Variants in LRRTM4 observed in about 807,000 individuals in gnomAD.
The protein encoded by LRRTM4 is leucine-rich repeat transmembrane neuronal protein 4.
LRRTM4 carries 25 observed loss-of-function variants against 47.6 expected under a neutral mutation model. That is an observed-to-expected ratio of 0.53 (90% CI 0.38 to 0.73). LRRTM4 has a LOEUF of 0.73. Among genes scored for constraint, LRRTM4 ranks in the 30% least tolerant of loss-of-function variants. The probability of loss-of-function intolerance (pLI) is 0.00; values close to 1 mark genes in which losing one functional copy is unlikely to be tolerated. For missense variants in LRRTM4, 638 were observed against 713.4 expected (o/e 0.89, Z 1.20); for synonymous variants, 311 against 269.5 (o/e 1.15, Z -1.51).
In LRRTM4 at chr2:77,111,289, T is replaced by TC. The variant is rs112093231; in HGVS notation, c.1552-362374_1552-362373insG. Among the ~76,000 whole-genome samples, 15 of 149,226 alleles carry TC rather than the reference T, an allele frequency of 1.0e-4. No homozygotes were observed. The South Asian group carries it at 1.3e-3, about 13-fold the overall frequency. On this transcript the variant is annotated intron_variant, in intron 3 of 3. Transcript: ENST00000409884. ...TGTGTCACCACACCTGGCTATTTTT[T>TC]TTTTTTTTTTTTTGTATTTTATTAG...
chr2:77,258,581 A>G (rs1266340437), intron 3 of LRRTM4, among the ~76,000 whole-genome samples: 2 of 152,052 alleles, frequency 1.3e-5, no homozygotes, highest in African/African-American at 2.4e-5. Context: ...TAATTATTTC[A>G]AAATTAAAAA....
At chr2:77,057,991 C>T (rs1982340) in intron 3 of LRRTM4, among the ~76,000 whole-genome samples, 16,038 of 152,058 alleles carry the variant, frequency 0.11, 1,068 homozygotes, top group Non-Finnish European at 0.15. Context: ...TGGATTCTGC[C>T]GGTTTCTGTT....
At chr2:76,945,260 C>T (rs904958508) in intron 3 of LRRTM4, among the ~76,000 whole-genome samples, 1 of 151,992 alleles carries the variant, frequency 6.6e-6, no homozygotes, top group Admixed American at 6.6e-5. Flanking sequence ...AAGCAACTAG[C>T]GTGCCTAAAT....
At chr2:77,268,476 C>T (rs967256991) in intron 3 of LRRTM4, among the ~76,000 whole-genome samples, 3 of 152,094 alleles carry the variant, frequency 2.0e-5, no homozygotes, top group Admixed American at 6.6e-5. Context: ...TACCATCCTG[C>T]CTTGGTCTCA....
intron 3 of LRRTM4, among the ~76,000 whole-genome samples, chr2:77,134,066 C>T (rs1235960654): frequency 6.6e-6 from 1 of 152,032 alleles, no homozygotes; most frequent in Non-Finnish European, 1.5e-5. Context: ...ATATAAATAA[C>T]ACAAAACACA....
At chr2:77,481,301 C>T (rs139593976) in intron 3 of LRRTM4, among the ~76,000 whole-genome samples, 1 of 152,210 alleles carries the variant, frequency 6.6e-6, no homozygotes, top group Non-Finnish European at 1.5e-5. Flanking sequence ...GTATCCTGCC[C>T]AGGATCATAG....
intron 3 of LRRTM4, among the ~76,000 whole-genome samples, chr2:76,972,713 C>T (rs1676263949): frequency 2.0e-5 from 3 of 152,000 alleles, no homozygotes; most frequent in Admixed American, 2.0e-4. Context: ...ATCCACAACG[C>T]CCAGCCTGAA....
At chr2:76,914,572 T>C (rs953200716) in intron 3 of LRRTM4, among the ~76,000 whole-genome samples, 1 of 152,298 alleles carries the variant, frequency 6.6e-6, no homozygotes, top group Admixed American at 6.5e-5. Flanking sequence ...TCATATTGTG[T>C]CAACTTAAAA....
At chr2:76,972,362 T>C (rs1213860532) in intron 3 of LRRTM4, among the ~76,000 whole-genome samples, 1 of 151,372 alleles carries the variant, frequency 6.6e-6, no homozygotes, top group Non-Finnish European at 1.5e-5. Flanking sequence ...CACCTGTCAC[T>C]CTCTGCCTTG....
chr2:76,923,469 A>G (rs1470157810), intron 3 of LRRTM4, among the ~76,000 whole-genome samples: 12 of 152,088 alleles, frequency 7.9e-5, no homozygotes, highest in African/African-American at 2.9e-4. Flanking sequence ...ACAGGGTGTT[A>G]ATACGCTCAT....
At chr2:77,032,325 A>C (rs951586729) in intron 3 of LRRTM4, among the ~76,000 whole-genome samples, 18 of 152,138 alleles carry the variant, frequency 1.2e-4, no homozygotes, top group African/African-American at 4.3e-4. Flanking sequence ...ATCTCAAACA[A>C]AATAACAACT....
chr2:76,956,366 A>G (rs1262862428), intron 3 of LRRTM4, among the ~76,000 whole-genome samples: 1 of 151,754 alleles, frequency 6.6e-6, no homozygotes, highest in Non-Finnish European at 1.5e-5. Context: ...GGGAAAGGTA[A>G]GGGGAACAAT....
chr2:76,918,521 T>C (rs372028067), intron 3 of LRRTM4, among the ~76,000 whole-genome samples: 3 of 152,324 alleles, frequency 2.0e-5, no homozygotes, highest in East Asian at 3.9e-4. Flanking sequence ...ACATAGGCCG[T>C]ATTAATGAGG....
chr2:76,841,737 G>A (rs1671690278), intron 3 of LRRTM4, among the ~76,000 whole-genome samples: 1 of 147,736 alleles, frequency 6.8e-6, no homozygotes, highest in Admixed American at 6.7e-5. Flanking sequence ...AACTCCATTA[G>A]AAAAATGTAA....
chr2:77,274,531 T>C (rs1676290052), intron 3 of LRRTM4, among the ~76,000 whole-genome samples: 1 of 152,170 alleles, frequency 6.6e-6, no homozygotes, highest in Non-Finnish European at 1.5e-5. Context: ...TTCTAGTGTA[T>C]TTAAAGACTA....
At chr2:76,774,453 G>C (rs969764166) in intron 3 of LRRTM4, among the ~76,000 whole-genome samples, 2 of 152,072 alleles carry the variant, frequency 1.3e-5, no homozygotes, top group African/African-American at 4.8e-5. Context: ...GCCTCACAAA[G>C]TGCTGGGATT....
At chr2:77,465,739 G>A (rs771918828) in intron 3 of LRRTM4, among the ~76,000 whole-genome samples, 1 of 152,130 alleles carries the variant, frequency 6.6e-6, no homozygotes, top group Non-Finnish European at 1.5e-5. Context: ...TTACCTATCA[G>A]TGGTCCCAGA....
At chr2:77,494,115 CTG>C (rs1396781600) in intron 3 of LRRTM4, among the ~76,000 whole-genome samples, 1 of 151,990 alleles carries the variant, frequency 6.6e-6, no homozygotes, top group Non-Finnish European at 1.5e-5. Flanking sequence ...ACATCACAAA[CTG>C]GGAGAAATAG....
At chr2:76,814,733 C>A (rs1670848660) in intron 3 of LRRTM4, among the ~76,000 whole-genome samples, 1 of 151,410 alleles carries the variant, frequency 6.6e-6, no homozygotes, top group African/African-American at 2.4e-5. Flanking sequence ...TTGGAGCCAA[C>A]CACCCACAGA....
Sources: gnomAD v4.1 joint callset for allele counts (sites outside exome capture counted in the v4.1 genomes callset) on GRCh38, gnomAD v4.1.1 for gene constraint, MANE v1.5 for transcripts, NCBI Gene and HGNC (gene_info 2026-07-23, HGNC 2026-07-21) for gene names.